Variants in NDUFAF6 observed in about 807,000 individuals in gnomAD.
The protein encoded by NDUFAF6 is NADH:ubiquinone oxidoreductase complex assembly factor 6, also known as NADH dehydrogenase (ubiquinone) complex I, assembly factor 6.
In NDUFAF6, 45 loss-of-function variants were observed where a neutral mutation model predicts 40.8. The observed-to-expected ratio is 1.10, with a 90% CI of 0.87 to 1.42. The LOEUF is 1.42. Ranked by LOEUF, NDUFAF6 falls within the 40% of genes most tolerant of loss-of-function variation. The pLI, the probability that NDUFAF6 is intolerant of heterozygous loss-of-function variation, is 0.00. For synonymous variants in NDUFAF6, 185 were observed against 155.9 expected (o/e 1.19, Z -1.39); for missense variants, 435 against 418.5 (o/e 1.04, Z -0.34).
intron 4 of NDUFAF6, 86 bp downstream of exon 4, chr8:95,041,712 A>G (rs970391881): frequency 8.9e-7 from 1 of 1,129,172 alleles, no homozygotes. Flanking sequence ...TTTTGACTGT[A>G]TATTAATATT....
chr8:94,952,650 G>C (rs1345482513), intron 2 of NDUFAF6, among the ~76,000 whole-genome samples: 1 of 152,224 alleles, frequency 6.6e-6, no homozygotes, highest in Non-Finnish European at 1.5e-5. Flanking sequence ...AATAAAAACA[G>C]AAAACAGGCG....
At chr8:94,907,536 T>C (rs1818471727) in intron 1 of NDUFAF6, among the ~76,000 whole-genome samples, 1 of 152,328 alleles carries the variant, frequency 6.6e-6, no homozygotes, top group East Asian at 1.9e-4. Flanking sequence ...TTACCATAGC[T>C]GAAACATAGC....
At chr8:95,000,477 C>T (rs147147194) in intron 2 of NDUFAF6, among the ~76,000 whole-genome samples, 3 of 152,180 alleles carry the variant, frequency 2.0e-5, no homozygotes, top group Admixed American at 1.3e-4. Flanking sequence ...AACCAAAAAT[C>T]GGTGTCCTGA....
chr8:94,974,273 C>A (rs1055163807), intron 1 of NDUFAF6, among the ~76,000 whole-genome samples: 14 of 149,238 alleles, frequency 9.4e-5, no homozygotes, highest in African/African-American at 3.5e-4. Context: ...CACAGTAAAA[C>A]AGACCTGGTA....
At chr8:94,932,406 A>G (rs1332810551) in intron 1 of NDUFAF6, among the ~76,000 whole-genome samples, 4 of 152,370 alleles carry the variant, frequency 2.6e-5, no homozygotes, top group Admixed American at 6.5e-5. Context: ...TCTGAAAGAC[A>G]TATGATTCAT....
At chr8:94,914,110 T>G (rs1309868956) in intron 1 of NDUFAF6, among the ~76,000 whole-genome samples, 1 of 149,642 alleles carries the variant, frequency 6.7e-6, no homozygotes, top group Admixed American at 6.6e-5. Context: ...TCTCTTTTTT[T>G]TTTTTTTTTT....
At chr8:95,066,349 A>G (rs984713260) in intron 9 of NDUFAF6, among the ~76,000 whole-genome samples, 6 of 135,454 alleles carry the variant, frequency 4.4e-5, no homozygotes, top group African/African-American at 1.7e-4. Flanking sequence ...GGCTGGGCTC[A>G]GGTAATCTCC....
intron 1 of NDUFAF6, among the ~76,000 whole-genome samples, chr8:94,916,728 G>A (rs567406156): frequency 4.2e-4 from 63 of 150,800 alleles, no homozygotes; most frequent in African/African-American, 1.5e-3. Context: ...CAGGAGAATT[G>A]CTTGAACCTG....
intron 3 of NDUFAF6, among the ~76,000 whole-genome samples, chr8:95,038,962 C>A (rs937443796): frequency 2.0e-5 from 3 of 151,172 alleles, no homozygotes; most frequent in Non-Finnish European, 4.4e-5. Context: ...AGCTACCGCA[C>A]CTGGCCTATT....
chr8:94,909,337 A>G (rs1818586073), intron 1 of NDUFAF6, among the ~76,000 whole-genome samples: 3 of 103,118 alleles, frequency 2.9e-5, no homozygotes, highest in Non-Finnish European at 5.6e-5. Flanking sequence ...CGACAGAGGG[A>G]GACTCCGTCT....
chr8:95,042,793 A>G (rs1282942298), intron 4 of NDUFAF6, among the ~76,000 whole-genome samples: 1 of 152,232 alleles, frequency 6.6e-6, no homozygotes, highest in Non-Finnish European at 1.5e-5. Context: ...GGGTAGACAT[A>G]TAGATCAATG....
chr8:95,099,853 T>C (rs1453491852), upstream of NDUFAF6, among the ~76,000 whole-genome samples: 1 of 152,242 alleles, frequency 6.6e-6, no homozygotes. Flanking sequence ...AATCGTTTCC[T>C]ATAATACGGC....
intron 1 of NDUFAF6, among the ~76,000 whole-genome samples, chr8:94,967,024 G>A (rs1023356660): frequency 2.0e-5 from 3 of 152,152 alleles, no homozygotes; most frequent in African/African-American, 7.2e-5. Flanking sequence ...GGAATGAAAG[G>A]AATGGAAATT....
At chr8:95,031,934 G>C (rs912892219) in intron 1 of NDUFAF6, 61 bp from the exon 2 acceptor site, 1 of 1,491,034 alleles carries the variant, frequency 6.7e-7, no homozygotes, top group Middle Eastern at 1.7e-4. Context: ...ATTTTAGTCA[G>C]TATTTTTTTG....
chr8:94,954,308 GC>G (rs1322295947), upstream of NDUFAF6, among the ~76,000 whole-genome samples: 1 of 151,998 alleles, frequency 6.6e-6, no homozygotes, highest in East Asian at 1.9e-4. Flanking sequence ...TGATCCGCCC[GC>G]CTCAGCCTCC....
upstream of NDUFAF6, among the ~76,000 whole-genome samples, chr8:95,097,571 T>C (rs1809509431): frequency 6.6e-6 from 1 of 152,126 alleles, no homozygotes; most frequent in Non-Finnish European, 1.5e-5. Context: ...TGGTGGCATG[T>C]GCCTGTAATC....
At chr8:95,064,542 TG>T (rs1832654056) in intron 9 of NDUFAF6, among the ~76,000 whole-genome samples, 2 of 13,178 alleles carry the variant, frequency 1.5e-4, no homozygotes, top group Non-Finnish European at 4.0e-4. Flanking sequence ...CATTTATTCG[TG>T]TGTGTGTGTG....
chr8:94,971,811 G>A (rs558459047), intron 1 of NDUFAF6, among the ~76,000 whole-genome samples: 2 of 151,966 alleles, frequency 1.3e-5, no homozygotes, highest in South Asian at 2.1e-4. Context: ...GGTGGCTTGC[G>A]CCTATAATCC....
At chr8:94,898,011 C>G (rs1332289363) in intron 1 of NDUFAF6, among the ~76,000 whole-genome samples, 6 of 152,050 alleles carry the variant, frequency 3.9e-5, no homozygotes, top group African/African-American at 1.5e-4. Context: ...CCAATAAATA[C>G]CAGGCTTTTA....
Sources: gnomAD v4.1 joint callset for allele counts (sites outside exome capture counted in the v4.1 genomes callset) on GRCh38, gnomAD v4.1.1 for gene constraint, MANE v1.5 for transcripts, NCBI Gene and HGNC (gene_info 2026-07-23, HGNC 2026-07-21) for gene names.